Variants in DAPK1 observed in about 807,000 individuals in gnomAD.
DAPK1 encodes the protein death associated protein kinase 1, also known as death-associated protein kinase 1.
In DAPK1, 56 loss-of-function variants were observed where a neutral mutation model predicts 144.9. That is an observed-to-expected ratio of 0.39 (90% CI 0.31 to 0.48). DAPK1 has a LOEUF of 0.48. Among genes scored for constraint, DAPK1 ranks in the 20% least tolerant of loss-of-function variants. DAPK1 has a pLI of 0.95. For missense variants in DAPK1, 1,454 were observed against 1,875.4 expected (o/e 0.78, Z 4.15); for synonymous variants, 690 against 749.0 (o/e 0.92, Z 1.29).
At chr9:87,658,407 G>T (rs1302748999) in intron 18 of DAPK1, among the ~76,000 whole-genome samples, 1 of 152,138 alleles carries the variant, frequency 6.6e-6, no homozygotes, top group Non-Finnish European at 1.5e-5. Context: ...ACACACCAGG[G>T]CCCCTGCATG....
Position 87,698,603 on chromosome 9 carries a change from G to C in DAPK1, c.2612-53G>C. The stretch of plus-strand genomic sequence containing the variant: ...ACACCGCCCTCACCTGGGCAGGAGA[G>C]GCAGCCAGGTAGGAGGACCCACCCC... On this transcript the variant is annotated intron_variant, in intron 22 of 25. Coordinates refer to ENST00000408954, the MANE Select transcript of DAPK1 (RefSeq NM_004938.4). 4.8e-6 allele frequency: 6 copies of C among 1,257,326 alleles called. No individual in the cohort carries two copies. The South Asian group carries it at 6.3e-5, about 13-fold the overall frequency. 77.9% of individuals were successfully genotyped at this position (1,257,326 alleles called of 1,614,324 possible).
chr9:87,580,326 C>T (rs1386174296), intron 2 of DAPK1, among the ~76,000 whole-genome samples: 1 of 152,056 alleles, frequency 6.6e-6, no homozygotes, highest in Non-Finnish European at 1.5e-5. Context: ...ATAGTGACCC[C>T]CAAACATATC....
chr9:87,610,655 G>A (rs1828889941), intron 3 of DAPK1, among the ~76,000 whole-genome samples: 1 of 152,254 alleles, frequency 6.6e-6, no homozygotes, highest in African/African-American at 2.4e-5. Context: ...GGCATACAAT[G>A]TAAATGAGGA....
chr9:87,641,974 A>C lies in DAPK1; in HGVS notation c.834A>C (p.Lys278Asn), dbSNP rs748404270. ...TTCTTGGATTTTTATTTTAGCCTAA[A>C]GATACACAACAGGCACTTAGTAGAA... ...DSLQHPWIKP[K>N]DTQQALSRKA... The change falls in exon 10 of 26, where the codon AAA (lysine) becomes AAC (asparagine). Residue 278 changes from lysine to asparagine, a missense_variant. By Grantham distance (94) the Lys-to-Asn change is moderately conservative. Around this residue, in one of 2 missense-constraint regions of DAPK1, gnomAD observed 429 missense variants for 637.5 expected, o/e 0.67. Coordinates refer to ENST00000408954, the MANE Select transcript of DAPK1 (RefSeq NM_004938.4). The C allele has an allele frequency of 2.1e-5, 34 of 1,609,788 alleles. No homozygotes were observed. In the South Asian group the frequency reaches 3.7e-4, roughly 17 times the overall value.
intron 2 of DAPK1, among the ~76,000 whole-genome samples, chr9:87,572,075 T>C (rs568681369): frequency 1.1e-3 from 161 of 152,364 alleles, no homozygotes; most frequent in African/African-American, 3.7e-3. Flanking sequence ...AAAGACTTGC[T>C]CAGCATTGGC....
chr9:87,681,301 T>A, intron 19 of DAPK1, 103 bp from the exon 20 acceptor site: 1 of 639,930 alleles, frequency 1.6e-6, no homozygotes, highest in Non-Finnish European at 2.7e-6. Context: ...AAGAAACATA[T>A]CTTCAGCATG....
rs535415941 is a variant in DAPK1 at position 87,707,622 on chromosome 9, C to T, written c.*258C>T. 2.4e-5 allele frequency: 13 copies of T among 535,372 alleles called. No homozygotes were observed. The highest frequency in any genetic ancestry group is 4.0e-5 in the Non-Finnish European group (12 of 298,976). The allele number at this position is 535,372 out of a possible 1,614,324, so 33.2% of individuals were successfully genotyped here. A position where few individuals can be genotyped will look rare whatever the true frequency, so the allele number is the denominator to read the frequency against. On this transcript the variant is annotated 3_prime_UTR_variant, in exon 26 of 26. Transcript: ENST00000408954. This position sits in a 1 kb window ranked among gnomAD's most constrained non-coding sequence, Gnocchi z 4.0. Reference sequence around the variant, plus strand: ...GGCCGCTTGAAAAGCTAGTGTACCTCCTCTCAGTGTTTTGGACTCCATCTC... The same window carrying T: ...GGCCGCTTGAAAAGCTAGTGTACCTTCTCTCAGTGTTTTGGACTCCATCTC...
At chr9:87,589,055 ATTTT>A (rs35875159) in intron 2 of DAPK1, among the ~76,000 whole-genome samples, 5 of 101,168 alleles carry the variant, frequency 4.9e-5, no homozygotes, top group African/African-American at 1.6e-4. Context: ...CGCCCGGCTA[ATTTT>A]TTTTTTTTTT....
In DAPK1 at chr9:87,706,574, G is replaced by A. The variant is rs1425534614; in HGVS notation, c.3503G>A (p.Arg1168His). 4.3e-6 allele frequency: 7 copies of A among 1,613,700 alleles called. No homozygotes were observed. The highest frequency in any genetic ancestry group is 1.7e-5 in the Admixed American group (1 of 60,026). ...QQSTEGDADI[R>H]LWVNGCKLAN... is the part of the protein sequence containing the mutation. ...AGCACAGAGGGCGACGCGGACATCC[G>A]CCTGTGGGTGAATGGCTGCAAGCTG... is the stretch of plus-strand genomic sequence containing the variant. Residue 1168 changes from arginine to histidine, a missense_variant, in exon 26 of 26, where the codon CGC (arginine) becomes CAC (histidine). Arg to His is a conservative substitution (Grantham distance 29). Transcript: ENST00000408954. The surrounding 1 kb of genome is among the most constrained non-coding windows in gnomAD (Gnocchi z 9.0).
At chr9:87,524,856 A>G (rs1459952724) in intron 2 of DAPK1, among the ~76,000 whole-genome samples, 2 of 152,220 alleles carry the variant, frequency 1.3e-5, no homozygotes, top group African/African-American at 4.8e-5. Context: ...GCAAAGGCAT[A>G]AGAATGACAC....
intron 2 of DAPK1, among the ~76,000 whole-genome samples, chr9:87,561,457 C>T (rs571207970): frequency 2.2e-4 from 33 of 151,868 alleles, no homozygotes; most frequent in African/African-American, 8.0e-4. Flanking sequence ...ACCCGGGAGG[C>T]GGAGCTTACA....
intron 19 of DAPK1, among the ~76,000 whole-genome samples, chr9:87,669,904 T>G (rs1587830417): frequency 6.6e-6 from 1 of 152,262 alleles, no homozygotes; most frequent in South Asian, 2.1e-4. Context: ...TTTCACACCC[T>G]TCTGCTTTGG....
At chr9:87,629,122 T>G (rs984895672) in intron 3 of DAPK1, among the ~76,000 whole-genome samples, 1 of 152,218 alleles carries the variant, frequency 6.6e-6, no homozygotes, top group African/African-American at 2.4e-5. Flanking sequence ...ATTGGTTACA[T>G]TCTTTGCAGA....
At chr9:87,502,164 G>T (rs1824428213) in intron 2 of DAPK1, among the ~76,000 whole-genome samples, 1 of 152,002 alleles carries the variant, frequency 6.6e-6, no homozygotes, top group Admixed American at 6.5e-5. Context: ...ATAGGAAAAG[G>T]GTCATGGGGA....
At chr9:87,702,968 G>A (rs548479368) in intron 24 of DAPK1, 61 bp from the exon 25 acceptor site, 1 of 773,424 alleles carries the variant, frequency 1.3e-6, no homozygotes, top group East Asian at 2.5e-5. Flanking sequence ...TTCCACTGTG[G>A]CTCTGCTCAG....
chr9:87,551,345 A>C (rs1252503165), intron 2 of DAPK1, among the ~76,000 whole-genome samples: 1 of 151,200 alleles, frequency 6.6e-6, no homozygotes, highest in African/African-American at 2.4e-5. Flanking sequence ...ACGGGGTTTC[A>C]CCATGTTGGC....
At chr9:87,555,125 C>T (rs952605805) in intron 2 of DAPK1, among the ~76,000 whole-genome samples, 3 of 152,212 alleles carry the variant, frequency 2.0e-5, no homozygotes, top group East Asian at 1.9e-4. Context: ...AGTATTATGA[C>T]TTAAGGACTT....
In DAPK1 at chr9:87,706,345, G is replaced by A. The variant is rs199730400; in HGVS notation, c.3274G>A (p.Ala1092Thr). 529 of 1,607,206 alleles carry A rather than the reference G, an allele frequency of 3.3e-4. 1 individual carries two copies. The highest frequency in any genetic ancestry group is 4.2e-4 in the Non-Finnish European group (496 of 1,176,534). The stretch of plus-strand genomic sequence containing the variant: ...GATCCTCGATGCCATGGACATCTGC[G>A]CCCGGGACCTGAGCAGCGGGACCAT... The part of the protein sequence containing the change: ...LQILDAMDIC[A>T]RDLSSGTMVD... Residue 1092 changes from alanine (A) to threonine (T), a missense_variant, in exon 26 of 26, where the codon GCC becomes ACC. Ala to Thr is a moderately conservative substitution (Grantham distance 58). Around this residue, in one of 2 missense-constraint regions of DAPK1, gnomAD observed 1,025 missense variants for 1,237.9 expected, o/e 0.83. Coordinates refer to ENST00000408954, the MANE Select transcript of DAPK1 (RefSeq NM_004938.4). This position sits in a 1 kb window ranked among gnomAD's most constrained non-coding sequence, Gnocchi z 9.0.
chr9:87,614,291 G>A (rs944839557), intron 3 of DAPK1, among the ~76,000 whole-genome samples: 2 of 152,214 alleles, frequency 1.3e-5, no homozygotes, highest in African/African-American at 4.8e-5. Flanking sequence ...TCATAGATCT[G>A]TAGTTTTTAG....
Sources: allele counts gnomAD v4.1 joint callset (sites outside exome capture counted in the v4.1 genomes callset), GRCh38; gene constraint gnomAD v4.1.1; regional missense constraint gnomAD v4.1.1; non-coding constraint Gnocchi (gnomAD v3.1); transcripts MANE v1.5; gene names NCBI Gene and HGNC (gene_info 2026-07-23, HGNC 2026-07-21).